TSPAN17: variants seen among roughly 807,000 people sequenced by gnomAD.
TSPAN17 encodes tetraspanin-17.
Under a neutral mutation model 40.5 loss-of-function variants are expected in TSPAN17, and 33 were observed. The observed-to-expected ratio is 0.81, with a 90% CI of 0.62 to 1.09. The LOEUF is 1.09. Ranked by LOEUF, TSPAN17 falls within the 50% of genes least tolerant of loss-of-function variation. The probability of loss-of-function intolerance (pLI) is 0.00; values close to 1 mark genes in which losing one functional copy is unlikely to be tolerated. For synonymous variants in TSPAN17, 166 were observed against 169.4 expected (o/e 0.98, Z 0.15); for missense variants, 365 against 416.8 (o/e 0.88, Z 1.08).
rs1437508705 is a variant in TSPAN17, at chr5:176,650,162, G to A, written c.88-1454G>A. ...CCGGTGGGTCGTGGAGGTGTTTGCT[G>A]CAGGCGGGTGGACGTAGGGGTGTGG... On this transcript the variant is annotated intron_variant, in intron 1 of 8. Coordinates refer to ENST00000508164, the MANE Select transcript of TSPAN17 (RefSeq NM_130465.5). The surrounding 1 kb of genome is among the most constrained non-coding windows in gnomAD (Gnocchi z 4.0). 3.3e-5 allele frequency among the ~76,000 whole-genome samples: 5 copies of A among 152,140 alleles called. No individual in the cohort carries two copies. The East Asian group carries it at 9.7e-4, about 29-fold the overall frequency.
At chr5:176,649,005 G>T (rs995770260) in intron 1 of TSPAN17, among the ~76,000 whole-genome samples, 6 of 152,154 alleles carry the variant, frequency 3.9e-5, no homozygotes, top group African/African-American at 1.2e-4. Flanking sequence ...AATACCGAGG[G>T]GGAGCAGGCG....
rs1761141963 is a variant in TSPAN17, at chr5:176,656,012, C to A, written c.583-66C>A. ...CTGAGAAGGAAAAGCCACCGCACTG[C>A]CCAGGTACCATGGACCCCATGGGAT... On this transcript the variant is annotated intron_variant, in intron 5 of 8. Transcript: ENST00000508164. 3 of 1,503,024 alleles carry A rather than the reference C, an allele frequency of 2.0e-6. No homozygotes were observed. The African/African-American group carries it at 4.1e-5, about 21-fold the overall frequency. The allele number at this position is 1,503,024 out of a possible 1,614,324, so 93.1% of individuals were successfully genotyped here. A position where few individuals can be genotyped will look rare whatever the true frequency, so the allele number is the denominator to read the frequency against.
At chr5:176,647,816 C>A (rs985692602) in intron 1 of TSPAN17, 114 bp downstream of exon 1, 3 of 1,011,812 alleles carry the variant, frequency 3.0e-6, no homozygotes, top group Non-Finnish European at 4.2e-6. Flanking sequence ...TCGGGACCAT[C>A]CCCCCACTTC....
Position 176,651,696 on chromosome 5 carries a change from A to G in TSPAN17, c.138+30A>G, listed in dbSNP as rs1760969708. Reference sequence around the variant, plus strand: ...GGCAGCGGGCGGGCGTGGAGCTGGTATGGGACGAGGTGGTGGGAAGGTCAG... The same window carrying G: ...GGCAGCGGGCGGGCGTGGAGCTGGTGTGGGACGAGGTGGTGGGAAGGTCAG... On this transcript the variant is annotated intron_variant, in intron 2 of 8. Coordinates refer to ENST00000508164, the MANE Select transcript of TSPAN17 (RefSeq NM_130465.5). This position sits in a 1 kb window ranked among gnomAD's most constrained non-coding sequence, Gnocchi z 4.5. 2 of 1,613,906 alleles carry G rather than the reference A, an allele frequency of 1.2e-6. No individual in the cohort carries two copies. The highest frequency in any genetic ancestry group is 3.3e-5 in the Admixed American group (2 of 60,006).
intron 8 of TSPAN17, chr5:176,657,169 G>A (rs1761191737): frequency 3.2e-6 from 2 of 625,840 alleles, no homozygotes; most frequent in African/African-American, 1.8e-5. Context: ...ATATGCGTGT[G>A]TACACACACA....
At position 176,656,666 on chromosome 5, in the gene TSPAN17, A is replaced by G. The variant is rs777449061; in HGVS notation, c.631-34A>G. On this transcript the variant is annotated intron_variant, in intron 6 of 8. Transcript: ENST00000508164. The stretch of plus-strand genomic sequence containing the variant: ...GAGGGTGGGAGCCGGCCTGAAGGGC[A>G]GGTAGGCTGAGCCTGGTGCCTGCGT... 46 of 1,608,352 alleles carry G rather than the reference A, an allele frequency of 2.9e-5. No homozygotes were observed. In the South Asian group the frequency reaches 4.4e-4, roughly 15 times the overall value.
rs1179877671 is a variant in TSPAN17 at position 176,650,425 on chromosome 5, G to A, written c.88-1191G>A. On this transcript the variant is annotated intron_variant, in intron 1 of 8. Transcript: ENST00000508164. This position sits in a 1 kb window ranked among gnomAD's most constrained non-coding sequence, Gnocchi z 4.0. The stretch of plus-strand genomic sequence containing the variant: ...TCCTTGGCTCTGATTGGCTGCCTCT[G>A]GACCAATCCCCGGGGCAGGTGAAGG... Among the ~76,000 whole-genome samples, 1 of 152,126 alleles carries A rather than the reference G, an allele frequency of 6.6e-6. No individual in the cohort carries two copies. Among genetic ancestry groups the A allele is most frequent in the East Asian group, 1.9e-4 (1 of 5,178 alleles).
At chr5:176,649,871 G>C (rs1009498091) in intron 1 of TSPAN17, among the ~76,000 whole-genome samples, 1 of 152,194 alleles carries the variant, frequency 6.6e-6, no homozygotes, top group African/African-American at 2.4e-5. Flanking sequence ...CCTCCTCCTG[G>C]AACAGGCTTT....
chr5:176,654,898 T>A lies in TSPAN17; in HGVS notation c.460T>A (p.Ser154Thr), dbSNP rs779306531. ...NLIDFAQEYW[S>T]CCGARGPNDW... ...GGGCTCTCCCCTGCCCCCACAGTGG[T>A]CTTGCTGCGGAGCCCGAGGCCCCAA... is the stretch of plus-strand genomic sequence containing the variant. Residue 154 changes from serine (S) to threonine (T), a missense_variant, in exon 5 of 9, where the codon TCT (serine) becomes ACT (threonine). Physicochemically the swap from Ser to Thr is moderately conservative, Grantham distance 58. Coordinates refer to ENST00000508164, the MANE Select transcript of TSPAN17 (RefSeq NM_130465.5). The surrounding 1 kb of genome is among the most constrained non-coding windows in gnomAD (Gnocchi z 4.3). 1 of 1,613,746 alleles carries A rather than the reference T, an allele frequency of 6.2e-7. No individual in the cohort carries two copies. Among genetic ancestry groups the A allele is most frequent in the Admixed American group, 1.7e-5 (1 of 59,988 alleles).
chr5:176,657,120 G>A (rs1200293086), intron 8 of TSPAN17, 164 bp downstream of exon 8: 6 of 745,456 alleles, frequency 8.0e-6, no homozygotes, highest in South Asian at 1.9e-5. Flanking sequence ...GTCCACCCAC[G>A]GAGGAAGTTG....
At chr5:176,655,145 T>C in intron 5 of TSPAN17, 125 bp downstream of exon 5, 1 of 1,275,120 alleles carries the variant, frequency 7.8e-7, no homozygotes, top group Non-Finnish European at 1.1e-6. Flanking sequence ...GACGTCATTT[T>C]ACATGGGTGG....
rs1212320469 is a variant in TSPAN17, at chr5:176,651,312, C to T, written c.88-304C>T. On this transcript the variant is annotated intron_variant, in intron 1 of 8. Transcript: ENST00000508164. This position sits in a 1 kb window ranked among gnomAD's most constrained non-coding sequence, Gnocchi z 4.5. ...CTGGCGCCGTCGCTACCCCCGCTGA[C>T]ACAGCTGCTATTGCTCCTTGGCAGG... 6.6e-6 allele frequency among the ~76,000 whole-genome samples: 1 copy of T among 152,200 alleles called. No homozygotes were observed. The highest frequency in any genetic ancestry group is 2.4e-5 in the African/African-American group (1 of 41,430).
chr5:176,651,167 C>T lies in TSPAN17; in HGVS notation c.88-449C>T, dbSNP rs1165402042. On this transcript the variant is annotated intron_variant, in intron 1 of 8. Transcript: ENST00000508164. The surrounding 1 kb of genome is among the most constrained non-coding windows in gnomAD (Gnocchi z 4.5). ...CTGGGCTGGGGAGGAGTGTTGAGGG[C>T]GGGGCCGCAGTCACACGGCTTTAGG... is the stretch of plus-strand genomic sequence containing the variant. Among the ~76,000 whole-genome samples the T allele has an allele frequency of 6.6e-6, 1 of 151,964 alleles. No individual in the cohort carries two copies. The highest frequency in any genetic ancestry group is 1.9e-4 in the East Asian group (1 of 5,168).
intron 8 of TSPAN17, 27 bp downstream of exon 8, chr5:176,656,983 A>G (rs750641909): frequency 1.9e-6 from 3 of 1,608,662 alleles, no homozygotes; most frequent in Non-Finnish European, 2.5e-6. Context: ...CCATGGCCAC[A>G]TGCCTGGCCT....
In TSPAN17 at chr5:176,657,949, G is replaced by C; in HGVS notation, c.*251G>C. The C allele has an allele frequency of 1.9e-6, 1 of 536,392 alleles. No individual in the cohort carries two copies. The highest frequency in any genetic ancestry group is 2.9e-6 in the Non-Finnish European group (1 of 344,270). The allele number at this position is 536,392 out of a possible 1,614,324, so 33.2% of individuals were successfully genotyped here. A position where few individuals can be genotyped will look rare whatever the true frequency, so the allele number is the denominator to read the frequency against. On this transcript the variant is annotated 3_prime_UTR_variant, in exon 9 of 9. Transcript: ENST00000508164. Reference sequence around the variant, plus strand: ...TGGAGTGAAACACGGGGACCTGAAGGATGGAGAGGCTGGACCCCGCTTTGA... The same window carrying C: ...TGGAGTGAAACACGGGGACCTGAAGCATGGAGAGGCTGGACCCCGCTTTGA...
chr5:176,655,855 C>T (rs1205580687), intron 5 of TSPAN17, among the ~76,000 whole-genome samples: 1 of 150,798 alleles, frequency 6.6e-6, no homozygotes. Context: ...GAGCTATGAT[C>T]GTGCCACTGC....
At chr5:176,653,250 T>C (rs1471741048) in intron 4 of TSPAN17, 2 of 221,366 alleles carry the variant, frequency 9.0e-6, no homozygotes, top group African/African-American at 4.5e-5. Flanking sequence ...GGGCCCACGG[T>C]ATTGGCTGCA....
intron 4 of TSPAN17, chr5:176,653,375 G>A (rs1450658193): frequency 1.3e-5 from 2 of 157,556 alleles, no homozygotes; most frequent in Non-Finnish European, 2.8e-5. Flanking sequence ...ACTATGTTTG[G>A]CCTCTGTGTA....
chr5:176,655,943 A>C, intron 5 of TSPAN17, 135 bp from the exon 6 acceptor site: 1 of 801,382 alleles, frequency 1.2e-6, no homozygotes, highest in South Asian at 1.4e-5. Flanking sequence ...AGGCTCACTT[A>C]AGACTGGTGG....
Sources: gnomAD v4.1 joint callset for allele counts (sites outside exome capture counted in the v4.1 genomes callset) on GRCh38, gnomAD v4.1.1 for gene constraint, Gnocchi (gnomAD v3.1) non-coding constraint, MANE v1.5 for transcripts, NCBI Gene and HGNC (gene_info 2026-07-23, HGNC 2026-07-21) for gene names.